The following TSPYL5 variants were observed in gnomAD, a reference collection of about 807,000 sequenced individuals.
TSPYL5 encodes testis-specific Y-encoded-like protein 5.
For missense variants in TSPYL5, 556 were observed against 555.5 expected (o/e 1.00, Z -0.01); for synonymous variants, 276 against 236.1 (o/e 1.17, Z -1.55).
In TSPYL5 at chr8:97,277,579, A is replaced by G; in HGVS notation, c.266T>C (p.Leu89Pro). The change falls in exon 1 of 1, where the codon CTG becomes CCG. Residue 89 changes from leucine (L) to proline (P), a missense_variant. By Grantham distance (98) the Leu-to-Pro change is moderately conservative. Transcript: ENST00000322128. This position sits in a 1 kb window ranked among gnomAD's most constrained non-coding sequence, Gnocchi z 4.5. Reference protein sequence around the residue: ...CRLPLDCGLALRARAAGDHGQ... With the variant: ...CRLPLDCGLAPRARAAGDHGQ... ...GTGGTCCCCCGCAGCTCGGGCCCGC[A>G]GCGCGAGGCCACAGTCCAGGGGGAG... 2.7e-6 allele frequency: 4 copies of G among 1,461,324 alleles called. No individual in the cohort carries two copies. The South Asian group carries it at 4.3e-5, about 16-fold the overall frequency. The allele number at this position is 1,461,324 out of a possible 1,614,324, so 90.5% of individuals were successfully genotyped here. A position where few individuals can be genotyped will look rare whatever the true frequency, so the allele number is the denominator to read the frequency against.
rs749375220 is a variant in TSPYL5 at position 97,277,608 on chromosome 8, G to A, written c.237C>T (p.Cys79=). 2.1e-6 allele frequency: 3 copies of A among 1,430,790 alleles called. No individual in the cohort carries two copies. The highest frequency in any genetic ancestry group is 2.9e-5 in the East Asian group (1 of 33,936). 88.6% of individuals were successfully genotyped at this position (1,430,790 alleles called of 1,614,324 possible). The part of the protein sequence containing the change: ...QLLRLGEEAA[C]RLPLDCGLAL... ...CGAGGCCACAGTCCAGGGGGAGCCGGCAGGCGGCCTCCTCCCCGAGCCGGA... is the reference window on the plus strand; with the variant it reads ...CGAGGCCACAGTCCAGGGGGAGCCGACAGGCGGCCTCCTCCCCGAGCCGGA... The change falls in exon 1 of 1, where the codon TGC becomes TGT. Residue 79 remains cysteine (C), a synonymous_variant. Coordinates refer to ENST00000322128, the MANE Select transcript of TSPYL5 (RefSeq NM_033512.3). The surrounding 1 kb of genome is among the most constrained non-coding windows in gnomAD (Gnocchi z 4.5).
In TSPYL5 at chr8:97,276,617, G is replaced by A. The variant is rs1205460708; in HGVS notation, c.1228C>T (p.Gln410Ter). Residue 410 changes from glutamine (Q) to a stop codon, truncating the protein, a stop_gained, in exon 1 of 1, where the codon CAG (glutamine) becomes TAG (stop). Transcript: ENST00000322128. LOFTEE classifies it low-confidence loss of function (END_TRUNC). ...GPGKQPMETT[Q>*]PGVSQSN The stretch of plus-strand genomic sequence containing the variant: ...CAGTTGGATTGGCTCACCCCAGGCT[G>A]AGTAGTCTCCATTGGCTGCTTTCCT... 4 of 1,613,950 alleles carry A rather than the reference G, an allele frequency of 2.5e-6. No individual in the cohort carries two copies. Among genetic ancestry groups the A allele is most frequent in the Admixed American group, 1.7e-5 (1 of 60,020 alleles).
At position 97,275,739 on chromosome 8, in the gene TSPYL5, G is replaced by A. The variant is rs1461716762; in HGVS notation, c.*852C>T. 6.6e-6 allele frequency: 1 copy of A among 152,314 alleles called. No homozygotes were observed. Among genetic ancestry groups the A allele is most frequent in the Non-Finnish European group, 1.5e-5 (1 of 68,162 alleles). 9.4% of individuals were successfully genotyped at this position (152,314 alleles called of 1,614,324 possible). On this transcript the variant is annotated 3_prime_UTR_variant, in exon 1 of 1. Transcript: ENST00000322128. The stretch of plus-strand genomic sequence containing the variant: ...GGTTCCTGGAAAGCTGGGGAGGGTA[G>A]GTGTGTGTCTCATGCACTGGTAGGG...
In TSPYL5 at chr8:97,274,547, C is replaced by G. The variant is rs1442994051; in HGVS notation, c.*2044G>C. ...AAGCTAGGGAGGTCCCTCCCATACT[C>G]TATCACTGAGAGACAGGCATGCTCC... On this transcript the variant is annotated 3_prime_UTR_variant, in exon 1 of 1. Coordinates refer to ENST00000322128, the MANE Select transcript of TSPYL5 (RefSeq NM_033512.3). 1 of 152,122 alleles carries G rather than the reference C, an allele frequency of 6.6e-6. No homozygotes were observed. Among genetic ancestry groups the G allele is most frequent in the African/African-American group, 2.4e-5 (1 of 41,374 alleles). 9.4% of individuals were successfully genotyped at this position (152,122 alleles called of 1,614,324 possible). A position where few individuals can be genotyped will look rare whatever the true frequency, so the allele number is the denominator to read the frequency against.
chr8:97,277,365 A>C lies in TSPYL5; in HGVS notation c.480T>G (p.Pro160=). ...TCTGCCTCCCACCAGCTATGACCTGAGGCCCCCTCCCCGCGGTGCTACAGG... is the reference window on the plus strand; with the variant it reads ...TCTGCCTCCCACCAGCTATGACCTGCGGCCCCCTCCCCGCGGTGCTACAGG... The part of the protein sequence containing the change: ...PETCSTAGRG[P]QVIAGGRQKK... Residue 160 remains proline (P), a synonymous_variant, in exon 1 of 1, where the codon CCT becomes CCG. Transcript: ENST00000322128. This position sits in a 1 kb window ranked among gnomAD's most constrained non-coding sequence, Gnocchi z 4.5. 1.9e-6 allele frequency: 3 copies of C among 1,603,518 alleles called. No individual in the cohort carries two copies. The highest frequency in any genetic ancestry group is 1.7e-6 in the Non-Finnish European group (2 of 1,174,596).
In TSPYL5 at chr8:97,277,694, C is replaced by T. The variant is rs200123082; in HGVS notation, c.151G>A (p.Ala51Thr). 1,730 of 1,550,060 alleles carry T rather than the reference C, an allele frequency of 1.1e-3. 18 individuals are homozygous for T. The African/African-American group carries it at 0.022, about 20-fold the overall frequency. Residue 51 changes from alanine to threonine, a missense_variant, in exon 1 of 1, where the codon GCA becomes ACA. Transcript: ENST00000322128. This position sits in a 1 kb window ranked among gnomAD's most constrained non-coding sequence, Gnocchi z 4.5. ...YQSLGEDTQA[A>T]QVQAGAGWGG... The stretch of plus-strand genomic sequence containing the variant: ...CACCCCGCGCCAGCCTGCACCTGTG[C>T]CGCCTGGGTGTCTTCCCCGAGACTC...
rs772179422 is a variant in TSPYL5 at position 97,277,247 on chromosome 8, C to T, written c.598G>A (p.Gly200Ser). 3.1e-6 allele frequency: 5 copies of T among 1,614,022 alleles called. No homozygotes were observed. The highest frequency in any genetic ancestry group is 4.2e-6 in the Non-Finnish European group (5 of 1,180,040). Residue 200 changes from glycine (G) to serine (S), a missense_variant, in exon 1 of 1, where the codon GGC (glycine) becomes AGC (serine). Gly to Ser is a moderately conservative substitution (Grantham distance 56). Transcript: ENST00000322128. The surrounding 1 kb of genome is among the most constrained non-coding windows in gnomAD (Gnocchi z 4.5). ...ACGTTCTCCAGCGTATCCATGCTGCCTTCCGTCGCTGGGGGCCCCGACCCT... is the reference window on the plus strand; with the variant it reads ...ACGTTCTCCAGCGTATCCATGCTGCTTTCCGTCGCTGGGGGCCCCGACCCT... ...DAGSGPPATEGSMDTLENVQL... is the reference protein window; with the variant it reads ...DAGSGPPATESSMDTLENVQL...
At position 97,277,808 on chromosome 8, in the gene TSPYL5, C is replaced by A. The variant is rs779895860; in HGVS notation, c.37G>T (p.Ala13Ser). The A allele has an allele frequency of 1.4e-6, 2 of 1,472,680 alleles. No homozygotes were observed. Among genetic ancestry groups the A allele is most frequent in the Non-Finnish European group, 1.8e-6 (2 of 1,116,892 alleles). 91.2% of individuals were successfully genotyped at this position (1,472,680 alleles called of 1,614,324 possible). The change falls in exon 1 of 1, where the codon GCC becomes TCC. Residue 13 changes from alanine to serine, a missense_variant. Physicochemically the swap from Ala to Ser is moderately conservative, Grantham distance 99. Transcript: ENST00000322128. This position sits in a 1 kb window ranked among gnomAD's most constrained non-coding sequence, Gnocchi z 4.5. ...GRSRGRKSSR[A>S]KNRGKGRAKA... The stretch of plus-strand genomic sequence containing the variant: ...GCGCGGCCTTTGCCCCGGTTTTTGG[C>A]GCGGGAGGACTTTCGACCCCGACTT...
Position 97,276,490 on chromosome 8 carries a change from T to A in TSPYL5, c.*101A>T. On this transcript the variant is annotated 3_prime_UTR_variant, in exon 1 of 1. Transcript: ENST00000322128. Reference sequence around the variant, plus strand: ...ATTCTTGTAACTAAAGTCCAAAGGGTCTATAGTACACAGAGGCCAACATGA... The same window carrying A: ...ATTCTTGTAACTAAAGTCCAAAGGGACTATAGTACACAGAGGCCAACATGA... The A allele has an allele frequency of 7.2e-7, 1 of 1,390,112 alleles. No homozygotes were observed. The highest frequency in any genetic ancestry group is 9.8e-7 in the Non-Finnish European group (1 of 1,017,276). 86.1% of individuals were successfully genotyped at this position (1,390,112 alleles called of 1,614,324 possible).
chr8:97,277,795 C>A lies in TSPYL5; in HGVS notation c.50G>T (p.Gly17Val). 1 of 1,486,556 alleles carries A rather than the reference C, an allele frequency of 6.7e-7. No homozygotes were observed. The allele number at this position is 1,486,556 out of a possible 1,614,324, so 92.1% of individuals were successfully genotyped here. Residue 17 changes from glycine (G) to valine (V), a missense_variant, in exon 1 of 1, where the codon GGC becomes GTC. Coordinates refer to ENST00000322128, the MANE Select transcript of TSPYL5 (RefSeq NM_033512.3). This position sits in a 1 kb window ranked among gnomAD's most constrained non-coding sequence, Gnocchi z 4.5. ...GACTCGGGCTTTGGCGCGGCCTTTGCCCCGGTTTTTGGCGCGGGAGGACTT... is the reference window on the plus strand; with the variant it reads ...GACTCGGGCTTTGGCGCGGCCTTTGACCCGGTTTTTGGCGCGGGAGGACTT... ...GRKSSRAKNRGKGRAKARVRP... is the reference protein window; with the variant it reads ...GRKSSRAKNRVKGRAKARVRP...
In TSPYL5 at chr8:97,276,712, A is replaced by G; in HGVS notation, c.1133T>C (p.Leu378Ser). Reference sequence around the variant, plus strand: ...CCCTTCACTCAAAAGGTAGAACTGCAAGGGATTGGGCCACAATTCTTCGTT... The same window carrying G: ...CCCTTCACTCAAAAGGTAGAACTGCGAGGGATTGGGCCACAATTCTTCGTT... Reference protein sequence around the residue: ...IINEELWPNPLQFYLLSEGAR... With the variant: ...IINEELWPNPSQFYLLSEGAR... Residue 378 changes from leucine (L) to serine (S), a missense_variant, in exon 1 of 1, where the codon TTG (leucine) becomes TCG (serine). Transcript: ENST00000322128. 6.2e-7 allele frequency: 1 copy of G among 1,614,164 alleles called. No homozygotes were observed. Among genetic ancestry groups the G allele is most frequent in the Non-Finnish European group, 8.5e-7 (1 of 1,180,032 alleles).
chr8:97,277,457 C>T lies in TSPYL5; in HGVS notation c.388G>A (p.Gly130Arg), dbSNP rs1810544639. The T allele has an allele frequency of 6.5e-7, 1 of 1,538,774 alleles. No individual in the cohort carries two copies. The highest frequency in any genetic ancestry group is 1.4e-5 in the African/African-American group (1 of 72,196). Residue 130 changes from glycine (G) to arginine (R), a missense_variant, in exon 1 of 1, where the codon GGA becomes AGA. Gly to Arg is a moderately radical substitution (Grantham distance 125, BLOSUM62 -2). Coordinates refer to ENST00000322128, the MANE Select transcript of TSPYL5 (RefSeq NM_033512.3). This position sits in a 1 kb window ranked among gnomAD's most constrained non-coding sequence, Gnocchi z 4.5. ...TVFVGTAGTVGRPKNAPRVGN... is the reference protein window; with the variant it reads ...TVFVGTAGTVRRPKNAPRVGN... ...ACGCGGGGGGCATTTTTCGGCCTTC[C>T]CACGGTTCCCGCTGTTCCCACGAAG...
At position 97,277,897 on chromosome 8, in the gene TSPYL5, G is replaced by T. The variant is rs1054128640; in HGVS notation, c.-53C>A. The stretch of plus-strand genomic sequence containing the variant: ...ACGCTGTGACCCTGCGGCTCCTGAC[G>T]CCAGCTCTCGGTCGGGACCGAGCGG... On this transcript the variant is annotated 5_prime_UTR_variant, in exon 1 of 1. Transcript: ENST00000322128. The surrounding 1 kb of genome is among the most constrained non-coding windows in gnomAD (Gnocchi z 4.5). 38 of 1,336,958 alleles carry T rather than the reference G, an allele frequency of 2.8e-5. No homozygotes were observed. Among genetic ancestry groups the T allele is most frequent in the Admixed American group, 7.1e-5 (2 of 28,268 alleles). 82.8% of individuals were successfully genotyped at this position (1,336,958 alleles called of 1,614,324 possible).
rs765527524 is a variant in TSPYL5 at position 97,276,947 on chromosome 8, G to A, written c.898C>T (p.Arg300Cys). ...ACCTTATTTTGGAAATACGGGTTGCGATCGAAGTAGAACTTGATTTTGTAG... is the reference window on the plus strand; with the variant it reads ...ACCTTATTTTGGAAATACGGGTTGCAATCGAAGTAGAACTTGATTTTGTAG... ...LGYKIKFYFD[R>C]NPYFQNKVLI... Residue 300 changes from arginine (R) to cysteine (C), a missense_variant, in exon 1 of 1, where the codon CGC becomes TGC. Physicochemically the swap from Arg to Cys is radical, Grantham distance 180. Coordinates refer to ENST00000322128, the MANE Select transcript of TSPYL5 (RefSeq NM_033512.3). 34 of 1,614,088 alleles carry A rather than the reference G, an allele frequency of 2.1e-5. No homozygotes were observed. The East Asian group carries it at 2.4e-4, about 12-fold the overall frequency.
rs1810464147 is a variant in TSPYL5, at chr8:97,273,621, A to G, written c.*2970T>C. ...CAAGTAGAACAACCAGTTACTAATTATTTTGGGGAGGTTATTTTCACAGAA... is the reference window on the plus strand; with the variant it reads ...CAAGTAGAACAACCAGTTACTAATTGTTTTGGGGAGGTTATTTTCACAGAA... On this transcript the variant is annotated 3_prime_UTR_variant, in exon 1 of 1. Transcript: ENST00000322128. 6.6e-6 allele frequency: 1 copy of G among 152,628 alleles called. No homozygotes were observed. The highest frequency in any genetic ancestry group is 2.4e-5 in the African/African-American group (1 of 41,448). The allele number at this position is 152,628 out of a possible 1,614,324, so 9.5% of individuals were successfully genotyped here.
Position 97,277,759 on chromosome 8 carries a change from G to T in TSPYL5, c.86C>A (p.Pro29Gln). ...GRAKARVRPA[P>Q]DDAPRDPDPS... ...GTCCGGGTCGCGCGGGGCGTCGTCC[G>T]GAGCAGGGCGGACTCGGGCTTTGGC... The change falls in exon 1 of 1, where the codon CCG becomes CAG. Residue 29 changes from proline to glutamine, a missense_variant. By Grantham distance (76) the Pro-to-Gln change is moderately conservative. Coordinates refer to ENST00000322128, the MANE Select transcript of TSPYL5 (RefSeq NM_033512.3). The surrounding 1 kb of genome is among the most constrained non-coding windows in gnomAD (Gnocchi z 4.5). The T allele has an allele frequency of 6.5e-7, 1 of 1,535,668 alleles. No individual in the cohort carries two copies.
At position 97,277,192 on chromosome 8, in the gene TSPYL5, T is replaced by C. The variant is rs1241897792; in HGVS notation, c.653A>G (p.Gln218Arg). Residue 218 changes from glutamine to arginine, a missense_variant, in exon 1 of 1, where the codon CAG becomes CGG. Transcript: ENST00000322128. The surrounding 1 kb of genome is among the most constrained non-coding windows in gnomAD (Gnocchi z 4.5). ...GAGCCGAAGGTAGGCCCTGTCCGCC[T>C]GGGCGTTCATGTTCTCCAGCTTCAG... ...VQLKLENMNA[Q>R]ADRAYLRLSR... 1 of 1,612,856 alleles carries C rather than the reference T, an allele frequency of 6.2e-7. No individual in the cohort carries two copies. Among genetic ancestry groups the C allele is most frequent in the South Asian group, 1.1e-5 (1 of 91,086 alleles).
chr8:97,277,887 G>A lies in TSPYL5; in HGVS notation c.-43C>T, dbSNP rs934443429. 9.6e-6 allele frequency: 13 copies of A among 1,353,618 alleles called. No homozygotes were observed. In the African/African-American group the frequency reaches 1.1e-4, roughly 11 times the overall value. 83.9% of individuals were successfully genotyped at this position (1,353,618 alleles called of 1,614,324 possible). ...CTTCAAAGACACGCTGTGACCCTGCGGCTCCTGACGCCAGCTCTCGGTCGG... is the reference window on the plus strand; with the variant it reads ...CTTCAAAGACACGCTGTGACCCTGCAGCTCCTGACGCCAGCTCTCGGTCGG... On this transcript the variant is annotated 5_prime_UTR_variant, in exon 1 of 1. Transcript: ENST00000322128. This position sits in a 1 kb window ranked among gnomAD's most constrained non-coding sequence, Gnocchi z 4.5.
At position 97,274,545 on chromosome 8, in the gene TSPYL5, C is replaced by G. The variant is rs183353841; in HGVS notation, c.*2046G>C. On this transcript the variant is annotated 3_prime_UTR_variant, in exon 1 of 1. Coordinates refer to ENST00000322128, the MANE Select transcript of TSPYL5 (RefSeq NM_033512.3). ...CCAAGCTAGGGAGGTCCCTCCCATA[C>G]TCTATCACTGAGAGACAGGCATGCT... The G allele has an allele frequency of 2.0e-5, 3 of 152,264 alleles. No individual in the cohort carries two copies. Among genetic ancestry groups the G allele is most frequent in the Admixed American group, 2.0e-4 (3 of 15,294 alleles). The allele number at this position is 152,264 out of a possible 1,614,324, so 9.4% of individuals were successfully genotyped here. A position where few individuals can be genotyped will look rare whatever the true frequency, so the allele number is the denominator to read the frequency against.
Sources: allele counts gnomAD v4.1 joint callset, GRCh38; gene constraint gnomAD v4.1.1; non-coding constraint Gnocchi (gnomAD v3.1); transcripts MANE v1.5; gene names NCBI Gene and HGNC (gene_info 2026-07-23, HGNC 2026-07-21).